The following KLF8 variants were observed in gnomAD, a reference collection of about 807,000 sequenced individuals.
KLF8 encodes KLF transcription factor 8, also known as Krueppel-like factor 8.
A neutral mutation model predicts 18.2 loss-of-function variants in KLF8; 10 were observed. The ratio of observed to expected loss-of-function variants is 0.55; its 90% CI spans 0.34 to 0.93. The LOEUF is 0.93. Ranked by LOEUF, KLF8 falls within the 40% of genes least tolerant of loss-of-function variation. The pLI, the probability that KLF8 is intolerant of heterozygous loss-of-function variation, is 0.02. For missense variants in KLF8, 264 were observed against 277.9 expected (o/e 0.95, Z 0.36); for synonymous variants, 109 against 97.3 (o/e 1.12, Z -0.71).
chrX:56,026,028 C>A, the KLF8 span, among the ~76,000 whole-genome samples: 2 of 112,198 alleles, frequency 1.8e-5, no homozygotes, highest in East Asian at 2.8e-4. Context: ...CGTGCGTAGA[C>A]CAGTCAACTT....
the KLF8 span, among the ~76,000 whole-genome samples, chrX:56,214,938 C>T: frequency 2.7e-5 from 3 of 112,133 alleles, no homozygotes; most frequent in African/African-American, 6.5e-5. Flanking sequence ...TTATATTTGA[C>T]ACATAACAGG....
chrX:55,940,356 T>C, the KLF8 span, among the ~76,000 whole-genome samples: 1 of 111,305 alleles, frequency 9.0e-6, no homozygotes, highest in Middle Eastern at 4.2e-3. Context: ...CTCAATAAAT[T>C]AGTTATTGAT....
chrX:56,226,246 G>T, the KLF8 span, among the ~76,000 whole-genome samples: 4 of 112,055 alleles, frequency 3.6e-5, no homozygotes, highest in African/African-American at 1.3e-4. Flanking sequence ...TCCTGAATTG[G>T]GAGTAGAATT....
At chrX:55,908,436 G>A in the KLF8 span, 1 of 296,983 alleles carries the variant, frequency 3.4e-6, no homozygotes, top group Non-Finnish European at 5.9e-6. Flanking sequence ...GCCGCTGGGT[G>A]GGGTCGAGAC....
At chrX:56,075,263 A>G in the KLF8 span, among the ~76,000 whole-genome samples, 1 of 111,251 alleles carries the variant, frequency 9.0e-6, no homozygotes, top group Admixed American at 9.6e-5. Context: ...AAATTTACAA[A>G]TTATTCATTG....
At chrX:56,065,033 A>G in the KLF8 span, among the ~76,000 whole-genome samples, 11,064 of 110,714 alleles carry the variant, frequency 0.1, 919 homozygotes, top group African/African-American at 0.27. Flanking sequence ...TCTCTCTTTG[A>G]CTTTTTACAG....
chrX:56,049,849 T>C, the KLF8 span, among the ~76,000 whole-genome samples: 2 of 108,252 alleles, frequency 1.8e-5, no homozygotes, highest in Non-Finnish European at 3.8e-5. Context: ...ATGGTACCAG[T>C]TCCTCCTTGT....
At chrX:56,270,158 C>T (rs756520670) in intron 4 of KLF8, 24 bp from the exon 5 acceptor site, 1 of 1,183,994 alleles carries the variant, frequency 8.4e-7, no homozygotes, top group South Asian at 1.9e-5. Flanking sequence ...CACTGTTTGG[C>T]TTTATCTCTA....
chrX:56,200,192 T>A, the KLF8 span, among the ~76,000 whole-genome samples: 2 of 110,353 alleles, frequency 1.8e-5, no homozygotes, highest in Non-Finnish European at 3.8e-5. Context: ...GTACCAAACC[T>A]GCTCATTGTG....
At chrX:56,159,492 A>G in the KLF8 span, among the ~76,000 whole-genome samples, 4 of 112,713 alleles carry the variant, frequency 3.5e-5, no homozygotes, top group Admixed American at 9.4e-5. Flanking sequence ...CTCTGGTAGA[A>G]TTCGGCTGTG....
At chrX:56,046,195 C>T in the KLF8 span, among the ~76,000 whole-genome samples, 1 of 111,700 alleles carries the variant, frequency 9.0e-6, no homozygotes, top group African/African-American at 3.3e-5. Flanking sequence ...AGGTATGAAA[C>T]CCACTTGATC....
chrX:55,998,854 C>T, the KLF8 span, among the ~76,000 whole-genome samples: 6 of 88,180 alleles, frequency 6.8e-5, no homozygotes, highest in African/African-American at 1.3e-4. Context: ...TTAATTAGGT[C>T]GCATTTATTT....
the KLF8 span, among the ~76,000 whole-genome samples, chrX:55,990,215 C>T: frequency 1.6e-4 from 18 of 111,658 alleles, no homozygotes; most frequent in Non-Finnish European, 2.6e-4. Context: ...CAGTTCTGCT[C>T]TGATTGTTAT....
the KLF8 span, among the ~76,000 whole-genome samples, chrX:55,938,016 A>T: frequency 9.0e-6 from 1 of 111,441 alleles, no homozygotes; most frequent in Admixed American, 9.6e-5. Context: ...TTCAGGAAAT[A>T]CAGAGAATGC....
chrX:56,136,485 C>T, the KLF8 span, among the ~76,000 whole-genome samples: 51 of 111,339 alleles, frequency 4.6e-4, 1 homozygote, highest in Admixed American at 4.9e-3. Flanking sequence ...ACACACCTGA[C>T]AAAAACAAGC....
intron 1 of KLF8, among the ~76,000 whole-genome samples, chrX:56,249,142 T>G (rs999316890): frequency 1.8e-5 from 2 of 112,506 alleles, no homozygotes; most frequent in Non-Finnish European, 3.8e-5. Context: ...AAGAGAAACT[T>G]TAGACAAATT....
chrX:56,005,615 G>C, the KLF8 span, among the ~76,000 whole-genome samples: 1 of 112,625 alleles, frequency 8.9e-6, no homozygotes, highest in African/African-American at 3.2e-5. Flanking sequence ...GCAAATGTTT[G>C]TGTGCATGTG....
chrX:56,248,997 G>A (rs1433757908), intron 1 of KLF8, among the ~76,000 whole-genome samples: 1 of 111,963 alleles, frequency 8.9e-6, no homozygotes, highest in Non-Finnish European at 1.9e-5. Context: ...CTAGGGCCTT[G>A]GAATACATTA....
chrX:56,083,119 GC>G, the KLF8 span, among the ~76,000 whole-genome samples: 104 of 111,621 alleles, frequency 9.3e-4, no homozygotes, highest in Non-Finnish European at 1.8e-3. Flanking sequence ...TAATTTTTCT[GC>G]CCCTTTCATG....
Sources: allele counts gnomAD v4.1 joint callset (sites outside exome capture counted in the v4.1 genomes callset), GRCh38; gene constraint gnomAD v4.1.1; transcripts MANE v1.5; gene names NCBI Gene and HGNC (gene_info 2026-07-23, HGNC 2026-07-21).